TBC1D14: variants seen among roughly 807,000 people sequenced by gnomAD.
TBC1D14 encodes TBC1 domain family, member 14.
In TBC1D14, 26 loss-of-function variants were observed where a neutral mutation model predicts 79.0. The observed-to-expected ratio is 0.33, with a 90% CI of 0.24 to 0.46. The LOEUF (loss-of-function observed/expected upper bound fraction) is 0.46. Among genes scored for constraint, TBC1D14 ranks in the 20% least tolerant of loss-of-function variants. TBC1D14 has a pLI of 1.00. For missense variants in TBC1D14, 769 were observed against 887.6 expected (o/e 0.87, Z 1.70); for synonymous variants, 394 against 349.9 (o/e 1.13, Z -1.40).
intron 2 of TBC1D14, among the ~76,000 whole-genome samples, chr4:6,956,664 G>A (rs1714670878): frequency 6.6e-6 from 1 of 152,262 alleles, no homozygotes; most frequent in Non-Finnish European, 1.5e-5. Flanking sequence ...GGAAGGGCAA[G>A]GCTGGCATAG....
chr4:7,030,030 G>T (rs1722882051), intron 13 of TBC1D14, among the ~76,000 whole-genome samples: 1 of 152,154 alleles, frequency 6.6e-6, no homozygotes, highest in Non-Finnish European at 1.5e-5. Flanking sequence ...TTCAGGCCTG[G>T]GCTTCCTGGG....
In TBC1D14 at chr4:6,923,575, G is replaced by C. The variant is rs780338469; in HGVS notation, c.186G>C (p.Gln62His). Residue 62 changes from glutamine to histidine, a missense_variant, in exon 2 of 14, where the codon CAG becomes CAC. Around this residue, in one of 2 missense-constraint regions of TBC1D14, gnomAD observed 402 missense variants for 393.2 expected, o/e 1.02. Transcript: ENST00000409757. Reference protein sequence around the residue: ...LRALEDRHSLQSVDSGIPTLE... With the variant: ...LRALEDRHSLHSVDSGIPTLE... ...CTTTAGAAGACCGGCACAGCCTCCA[G>C]TCCGTGGACTCGGGGATTCCTACCC... The C allele has an allele frequency of 6.2e-7, 1 of 1,614,112 alleles. No individual in the cohort carries two copies. Among genetic ancestry groups the C allele is most frequent in the Middle Eastern group, 1.6e-4 (1 of 6,062 alleles).
At chr4:6,992,413 A>G (rs1297485977) in intron 3 of TBC1D14, among the ~76,000 whole-genome samples, 1 of 152,200 alleles carries the variant, frequency 6.6e-6, no homozygotes, top group Non-Finnish European at 1.5e-5. Context: ...AAGTCACTTC[A>G]CTTTGAGCCT....
chr4:6,917,077 G>A (rs1470989688), intron 1 of TBC1D14, among the ~76,000 whole-genome samples: 2 of 152,196 alleles, frequency 1.3e-5, no homozygotes, highest in Non-Finnish European at 2.9e-5. Flanking sequence ...AGCTGCTGGT[G>A]TGCACTCTCC....
intron 3 of TBC1D14, among the ~76,000 whole-genome samples, chr4:6,979,531 G>A (rs1199476863): frequency 6.6e-6 from 1 of 152,114 alleles, no homozygotes; most frequent in Non-Finnish European, 1.5e-5. Context: ...TGAGGCAGGA[G>A]GATCGCTTGA....
intron 3 of TBC1D14, among the ~76,000 whole-genome samples, chr4:6,970,705 A>T (rs1301900711): frequency 1.3e-5 from 2 of 151,120 alleles, no homozygotes; most frequent in African/African-American, 4.9e-5. Flanking sequence ...GACCTGCCTC[A>T]AGGAGCCCGT....
chr4:6,996,566 C>T (rs1719066861), intron 5 of TBC1D14, among the ~76,000 whole-genome samples, 159 bp downstream of exon 5: 1 of 151,810 alleles, frequency 6.6e-6, no homozygotes, highest in African/African-American at 2.4e-5. Context: ...TGCGGAAAGC[C>T]CCCACAAGCG....
intron 3 of TBC1D14, among the ~76,000 whole-genome samples, chr4:6,984,769 C>T (rs1717672287): frequency 6.6e-6 from 1 of 152,208 alleles, no homozygotes; most frequent in African/African-American, 2.4e-5. Flanking sequence ...AGCACCTTCT[C>T]TCTGGTATGC....
intron 3 of TBC1D14, among the ~76,000 whole-genome samples, chr4:6,968,122 G>A (rs537307087): frequency 1.3e-5 from 2 of 152,222 alleles, no homozygotes; most frequent in South Asian, 2.1e-4. Context: ...CCCAAGTGTC[G>A]CGACATTGCC....
chr4:6,957,337 C>T (rs1714736387), intron 2 of TBC1D14, among the ~76,000 whole-genome samples: 2 of 152,230 alleles, frequency 1.3e-5, no homozygotes, highest in South Asian at 2.1e-4. Context: ...TCCATGGGAG[C>T]AGGCGCTCCA....
chr4:6,987,281 G>A (rs1052059494), intron 3 of TBC1D14: 259 of 1,338,776 alleles, frequency 1.9e-4, no homozygotes, highest in Non-Finnish European at 2.3e-4. Flanking sequence ...AGGGAGGGAG[G>A]GAGGCCGGCC....
intron 1 of TBC1D14, among the ~76,000 whole-genome samples, chr4:6,918,262 C>G (rs1475694342): frequency 1.3e-5 from 2 of 152,220 alleles, no homozygotes; most frequent in Non-Finnish European, 2.9e-5. Context: ...TATAGTTTCA[C>G]CAAAATGGTT....
intron 1 of TBC1D14, among the ~76,000 whole-genome samples, chr4:6,917,854 A>G (rs1047553989): frequency 6.6e-6 from 1 of 152,168 alleles, no homozygotes; most frequent in Non-Finnish European, 1.5e-5. Context: ...GGTGGCCTGG[A>G]GTGCGGCTTC....
intron 3 of TBC1D14, among the ~76,000 whole-genome samples, chr4:6,973,329 G>A (rs1205113314): frequency 6.6e-6 from 1 of 152,112 alleles, no homozygotes; most frequent in Admixed American, 6.5e-5. Context: ...TTGCAGCAAG[G>A]ATAGGTCTTG....
intron 4 of TBC1D14, among the ~76,000 whole-genome samples, chr4:6,994,764 G>A (rs1439504341): frequency 2.0e-5 from 3 of 151,740 alleles, no homozygotes; most frequent in African/African-American, 7.3e-5. Context: ...GGAGGCTGAG[G>A]CAGGAGAATC....
At chr4:6,988,897 T>C (rs1399328680) in intron 3 of TBC1D14, among the ~76,000 whole-genome samples, 3 of 139,694 alleles carry the variant, frequency 2.1e-5, no homozygotes, top group East Asian at 2.1e-4. Context: ...TTTTTTTTTT[T>C]TTTTTTTTTT....
At chr4:7,020,671 C>G (rs1221040792) in intron 12 of TBC1D14, among the ~76,000 whole-genome samples, 2 of 152,156 alleles carry the variant, frequency 1.3e-5, no homozygotes, top group African/African-American at 4.8e-5. Flanking sequence ...CCACAGCCTC[C>G]CTTTATTTGG....
At chr4:7,026,865 T>G (rs1722426142) in intron 13 of TBC1D14, among the ~76,000 whole-genome samples, 1 of 151,938 alleles carries the variant, frequency 6.6e-6, no homozygotes, top group Admixed American at 6.6e-5. Context: ...GCACTGTGCT[T>G]CAGCCTAGGC....
intron 2 of TBC1D14, among the ~76,000 whole-genome samples, chr4:6,936,699 C>T (rs1427761045): frequency 6.6e-6 from 1 of 152,192 alleles, no homozygotes; most frequent in African/African-American, 2.4e-5. Context: ...TGTAAGAAAC[C>T]AGCAAACTGT....
Sources: allele counts gnomAD v4.1 joint callset (sites outside exome capture counted in the v4.1 genomes callset), GRCh38; gene constraint gnomAD v4.1.1; regional missense constraint gnomAD v4.1.1; transcripts MANE v1.5; gene names NCBI Gene and HGNC (gene_info 2026-07-23, HGNC 2026-07-21).